PATJ: variants seen among roughly 807,000 people sequenced by gnomAD.
The protein encoded by PATJ is inaD-like protein.
Under a neutral mutation model 224.9 loss-of-function variants are expected in PATJ, and 190 were observed. The observed-to-expected ratio is 0.84, with a 90% CI of 0.75 to 0.95. The LOEUF (loss-of-function observed/expected upper bound fraction) is 0.95. PATJ is among the 40% of genes least tolerant of loss of function. The probability of loss-of-function intolerance (pLI) is 0.00; values close to 1 mark genes in which losing one functional copy is unlikely to be tolerated. For synonymous variants in PATJ, 769 were observed against 820.3 expected (o/e 0.94, Z 1.07); for missense variants, 2,121 against 2,270.3 (o/e 0.93, Z 1.34).
chr1:61,908,459 CAG>C lies in PATJ; in HGVS notation c.3472_3473del (p.Ser1158PhefsTer10). On this transcript the variant is annotated frameshift_variant, in exon 25 of 44. Coordinates refer to ENST00000642238, the MANE Select transcript of PATJ (RefSeq NM_001350145.3). LOFTEE classifies it high-confidence loss of function. ...NAGNPVVFIV[Q>X]SLSSTPRVIP... is the part of the protein sequence containing the mutation. ...AGGAAACCCTGTGGTGTTCATTGTT[CAG>C]AGTTTGTCATCCACTCCACGAGTAA... is the stretch of plus-strand genomic sequence containing the variant. The C allele has an allele frequency of 6.2e-7, 1 of 1,613,018 alleles. No homozygotes were observed. Among genetic ancestry groups the C allele is most frequent in the Non-Finnish European group, 8.5e-7 (1 of 1,179,002 alleles).
chr1:62,117,228 G>A lies in PATJ; in HGVS notation c.4890+10G>A. The A allele has an allele frequency of 6.2e-7, 1 of 1,613,930 alleles. No homozygotes were observed. Among genetic ancestry groups the A allele is most frequent in the Non-Finnish European group, 8.5e-7 (1 of 1,179,950 alleles). On this transcript the variant is annotated intron_variant, in intron 37 of 43. Coordinates refer to ENST00000642238, the MANE Select transcript of PATJ (RefSeq NM_001350145.3). ...ATCACAGAACAGTCAGGTTGTCGAT[G>A]GCTTCTCATCAGACTGACTCACTCT...
chr1:61,918,820 G>A (rs1452064338), intron 26 of PATJ, among the ~76,000 whole-genome samples: 1 of 151,998 alleles, frequency 6.6e-6, no homozygotes, highest in African/African-American at 2.4e-5. Flanking sequence ...AATATTAGCT[G>A]GGTGTGGTGG....
At chr1:62,151,147 A>G (rs1668590150) in intron 42 of PATJ, among the ~76,000 whole-genome samples, 1 of 76,878 alleles carries the variant, frequency 1.3e-5, no homozygotes, top group Admixed American at 1.6e-4. Context: ...CTCAAAAAAC[A>G]AAACAACAAC....
At chr1:62,008,855 C>G (rs562111110) in intron 28 of PATJ, among the ~76,000 whole-genome samples, 1 of 152,184 alleles carries the variant, frequency 6.6e-6, no homozygotes, top group East Asian at 1.9e-4. Flanking sequence ...AGTTGTAGAT[C>G]TTGGATTTTA....
In PATJ at chr1:61,769,433, T is replaced by A; in HGVS notation, c.524+11T>A. On this transcript the variant is annotated intron_variant, in intron 5 of 43. Transcript: ENST00000642238. ...GAGTGTAGCAGACAGGTGAGGAAGC[T>A]GTTTATTTTCATTTTGCTAATTGTT... is the stretch of plus-strand genomic sequence containing the variant. 6.2e-7 allele frequency: 1 copy of A among 1,605,318 alleles called. No homozygotes were observed. The highest frequency in any genetic ancestry group is 8.5e-7 in the Non-Finnish European group (1 of 1,177,610).
At chr1:61,872,288 T>C (rs1362177709) in intron 20 of PATJ, among the ~76,000 whole-genome samples, 1 of 152,206 alleles carries the variant, frequency 6.6e-6, no homozygotes, top group Non-Finnish European at 1.5e-5. Context: ...TTGAATTCTA[T>C]GTTCCTTAGG....
chr1:61,797,229 G>A (rs1037153938), intron 10 of PATJ, 58 bp from the exon 11 acceptor site: 2 of 1,550,574 alleles, frequency 1.3e-6, no homozygotes, highest in Admixed American at 3.5e-5. Context: ...AGTGTTGCCA[G>A]AGCTAAAAAT....
At chr1:61,817,307 A>G (rs1467314917) in intron 14 of PATJ, among the ~76,000 whole-genome samples, 1 of 152,242 alleles carries the variant, frequency 6.6e-6, no homozygotes, top group Non-Finnish European at 1.5e-5. Flanking sequence ...ACTGAAGAGA[A>G]CTTTCAATTT....
chr1:62,161,334 T>A lies in PATJ; in HGVS notation c.*280T>A. ...TTTAATTTCAGTGTTCCGATTTCTTTTTTTTTTTTTTTTTTTTTTTTTGAG... is the reference window on the plus strand; with the variant it reads ...TTTAATTTCAGTGTTCCGATTTCTTATTTTTTTTTTTTTTTTTTTTTTGAG... On this transcript the variant is annotated 3_prime_UTR_variant, in exon 44 of 44. Transcript: ENST00000642238. The A allele has an allele frequency of 4.5e-5, 2 of 44,646 alleles. No individual in the cohort carries two copies. Among genetic ancestry groups the A allele is most frequent in the East Asian group, 6.5e-4 (1 of 1,528 alleles). The allele number at this position is 44,646 out of a possible 1,614,324, so 2.8% of individuals were successfully genotyped here. A position where few individuals can be genotyped will look rare whatever the true frequency, so the allele number is the denominator to read the frequency against.
rs1184735135 is a variant in PATJ at position 61,833,676 on chromosome 1, A to G, written c.2003A>G (p.Asn668Ser). Reference sequence around the variant, plus strand: ...CAGGTTGACCACAATATGGATGTCAATACTGAAGAAGATGATGATGGGGAA... The same window carrying G: ...CAGGTTGACCACAATATGGATGTCAGTACTGAAGAAGATGATGATGGGGAA... Reference protein sequence around the residue: ...ETEVDHNMDVNTEEDDDGELA... With the variant: ...ETEVDHNMDVSTEEDDDGELA... The change falls in exon 17 of 44, where the codon AAT (asparagine) becomes AGT (serine). Residue 668 changes from asparagine (N) to serine (S), a missense_variant. Physicochemically the swap from Asn to Ser is conservative, Grantham distance 46. Transcript: ENST00000642238. 1.9e-6 allele frequency: 3 copies of G among 1,613,220 alleles called. No individual in the cohort carries two copies. Among genetic ancestry groups the G allele is most frequent in the Admixed American group, 1.7e-5 (1 of 59,952 alleles).
intron 27 of PATJ, among the ~76,000 whole-genome samples, chr1:61,985,278 C>A (rs1644689345): frequency 6.6e-6 from 1 of 151,674 alleles, no homozygotes; most frequent in Non-Finnish European, 1.5e-5. Flanking sequence ...TGCCACTGTA[C>A]TCCAGCCTGG....
At chr1:61,891,735 T>G (rs4915788) in intron 22 of PATJ, among the ~76,000 whole-genome samples, 115,832 of 152,020 alleles carry the variant, frequency 0.76, 44,796 homozygotes, top group Middle Eastern at 0.83. Context: ...CTTGAACTTC[T>G]GTTTCTTAAG....
At chr1:62,015,739 CAG>C (rs1240322181) in intron 28 of PATJ, among the ~76,000 whole-genome samples, 1 of 152,096 alleles carries the variant, frequency 6.6e-6, no homozygotes, top group Non-Finnish European at 1.5e-5. Flanking sequence ...TGTTTGGAGA[CAG>C]AGTCTCAGTC....
chr1:61,794,861 G>A (rs1191981816), intron 9 of PATJ, among the ~76,000 whole-genome samples: 1 of 151,840 alleles, frequency 6.6e-6, no homozygotes, highest in East Asian at 1.9e-4. Flanking sequence ...GGTGGTGGGC[G>A]CCTGTAATTC....
chr1:61,779,634 A>G (rs1647135731), intron 7 of PATJ, among the ~76,000 whole-genome samples: 1 of 152,218 alleles, frequency 6.6e-6, no homozygotes, highest in Non-Finnish European at 1.5e-5. Context: ...TAATGAGCGT[A>G]TTCATTACCC....
At chr1:62,088,768 G>T (rs1289017987) in intron 33 of PATJ, among the ~76,000 whole-genome samples, 1 of 150,382 alleles carries the variant, frequency 6.6e-6, no homozygotes, top group African/African-American at 2.4e-5. Flanking sequence ...TTGAGTTATG[G>T]TGAGGATCAG....
At chr1:61,890,629 T>G (rs899206501) in intron 22 of PATJ, among the ~76,000 whole-genome samples, 3 of 152,070 alleles carry the variant, frequency 2.0e-5, no homozygotes, top group African/African-American at 7.2e-5. Flanking sequence ...CCCAAATAGC[T>G]GGGATCACAG....
intron 29 of PATJ, among the ~76,000 whole-genome samples, chr1:62,021,515 G>T (rs916710909): frequency 2.0e-5 from 3 of 152,092 alleles, no homozygotes; most frequent in Non-Finnish European, 4.4e-5. Context: ...CTCCTACTAA[G>T]CAACTCTAGG....
chr1:62,146,843 T>C (rs1668089809), intron 41 of PATJ, among the ~76,000 whole-genome samples: 1 of 151,890 alleles, frequency 6.6e-6, no homozygotes, highest in Non-Finnish European at 1.5e-5. Context: ...GAGGATGGAA[T>C]GTGGGTTGTG....
Sources: gnomAD v4.1 joint callset for allele counts (sites outside exome capture counted in the v4.1 genomes callset) on GRCh38, gnomAD v4.1.1 for gene constraint, MANE v1.5 for transcripts, NCBI Gene and HGNC (gene_info 2026-07-23, HGNC 2026-07-21) for gene names.